CT55: variants seen among roughly 807,000 people sequenced by gnomAD.
CT55 encodes the protein cancer/testis antigen 55, also known as BRCA2-interacting protein.
A neutral mutation model predicts 12.6 loss-of-function variants in CT55; 1 was observed. That is an observed-to-expected ratio of 0.08 (90% CI 0.03 to 0.38). The LOEUF (loss-of-function observed/expected upper bound fraction) is 0.38. Ranked by LOEUF, CT55 falls within the 10% of genes least tolerant of loss-of-function variation. The pLI, the probability that CT55 is intolerant of heterozygous loss-of-function variation, is 0.99. For synonymous variants in CT55, 43 were observed against 49.7 expected (o/e 0.87, Z 0.57); for missense variants, 109 against 135.4 (o/e 0.80, Z 0.97).
At chrX:135,159,761 C>A (rs1324419800) in intron 3 of CT55, among the ~76,000 whole-genome samples, 1 of 111,800 alleles carries the variant, frequency 8.9e-6, no homozygotes, top group African/African-American at 3.3e-5. Flanking sequence ...TGCTTTTGCA[C>A]CCAAGAAAAC....
upstream of CT55, chrX:135,171,526 C>T (rs1389327554): frequency 2.3e-4 from 38 of 162,299 alleles, no homozygotes; most frequent in African/African-American, 1.1e-3. Context: ...CCCATCAAGG[C>T]TGAGGGAGCC....
At chrX:135,160,873 G>GTA (rs1423792664) in intron 2 of CT55, among the ~76,000 whole-genome samples, 6 of 111,837 alleles carry the variant, frequency 5.4e-5, no homozygotes, top group Admixed American at 9.6e-5. Flanking sequence ...AAGTGGAAAG[G>GTA]TATATAGTCA....
chrX:135,163,048 G>GACCT (rs2148443584), intron 2 of CT55, among the ~76,000 whole-genome samples: 1 of 111,749 alleles, frequency 8.9e-6, no homozygotes, highest in East Asian at 2.8e-4. Context: ...GACCAAAAGA[G>GACCT]ACCTATATAG....
At chrX:135,168,434 C>G (rs1471330996) in intron 2 of CT55, among the ~76,000 whole-genome samples, 1 of 111,405 alleles carries the variant, frequency 9.0e-6, no homozygotes, top group Non-Finnish European at 1.9e-5. Flanking sequence ...TTACCAGACG[C>G]TTGTGTTGTT....
At position 135,158,180 on chromosome X, in the gene CT55, G is replaced by A. The variant is rs782093373; in HGVS notation, c.537+19C>T. On this transcript the variant is annotated intron_variant, in intron 4 of 5. Transcript: ENST00000276241. Reference sequence around the variant, plus strand: ...GAGTTAGCAGAAACTGCTGACGGGAGCAACAGGAAAGAAATTACCTCTTCC... The same window carrying A: ...GAGTTAGCAGAAACTGCTGACGGGAACAACAGGAAAGAAATTACCTCTTCC... 9.5e-7 allele frequency: 1 copy of A among 1,057,403 alleles called. No homozygotes were observed. The highest frequency in any genetic ancestry group is 1.3e-6 in the Non-Finnish European group (1 of 756,788). 87.1% of individuals were successfully genotyped at this position (1,057,403 alleles called of 1,213,427 possible). A position where few individuals can be genotyped will look rare whatever the true frequency, so the allele number is the denominator to read the frequency against.
At chrX:135,168,328 G>A (rs1278767818) in intron 2 of CT55, among the ~76,000 whole-genome samples, 8 of 111,989 alleles carry the variant, frequency 7.1e-5, no homozygotes, top group African/African-American at 2.6e-4. Flanking sequence ...ATGTAAGTGA[G>A]ATAAGCCAGT....
chrX:135,162,289 T>C (rs1556405302), intron 2 of CT55, among the ~76,000 whole-genome samples: 2 of 112,269 alleles, frequency 1.8e-5, no homozygotes, highest in African/African-American at 6.5e-5. Context: ...TGAATACTTG[T>C]GTAAATTATG....
intron 2 of CT55, among the ~76,000 whole-genome samples, chrX:135,166,663 T>C (rs1310187341): frequency 9.0e-6 from 1 of 111,589 alleles, no homozygotes; most frequent in African/African-American, 3.3e-5. Flanking sequence ...GAATTTAGAT[T>C]GGCCCTGTTT....
rs782480734 is a variant in CT55, at chrX:135,162,570, T to C, written c.280-2015A>G. On this transcript the variant is annotated intron_variant, in intron 2 of 5. Transcript: ENST00000276241. Reference sequence around the variant, plus strand: ...AGAAAACATGCACTGAAGAGGGTAGTAAGGACAGTTTTACATTACCCACAT... The same window carrying C: ...AGAAAACATGCACTGAAGAGGGTAGCAAGGACAGTTTTACATTACCCACAT... Among the ~76,000 whole-genome samples the C allele has an allele frequency of 5.4e-5, 6 of 111,718 alleles. No individual in the cohort carries two copies. The East Asian group carries it at 1.4e-3, about 26-fold the overall frequency.
In CT55 at chrX:135,159,671, A is replaced by G. The variant is rs149785363; in HGVS notation, c.424+740T>C. Among the ~76,000 whole-genome samples the G allele has an allele frequency of 7.1e-3, 791 of 110,843 alleles. 5 individuals are homozygous for G. The highest frequency in any genetic ancestry group is 0.024 in the African/African-American group (744 of 30,436). The stretch of plus-strand genomic sequence containing the variant: ...CAACGTTTTCCTGACTGATTTCCTG[A>G]CTCCACCCTTCCCCTCATAGTCTCT... On this transcript the variant is annotated intron_variant, in intron 3 of 5. Transcript: ENST00000276241.
intron 1 of CT55, 33 bp downstream of exon 1, chrX:135,171,045 G>T (rs368799703): frequency 4.2e-5 from 51 of 1,204,287 alleles, no homozygotes; most frequent in Non-Finnish European, 5.4e-5. Context: ...GAGGCTTCTG[G>T]GGTGGGGGAC....
At chrX:135,169,477 A>G (rs559141080) in intron 2 of CT55, 117 bp downstream of exon 2, 3 of 457,746 alleles carry the variant, frequency 6.6e-6, no homozygotes, top group South Asian at 1.4e-4. Flanking sequence ...TTCAAATTGC[A>G]GTCTACATCC....
intron 2 of CT55, among the ~76,000 whole-genome samples, chrX:135,164,254 A>C (rs2083573951): frequency 1.8e-5 from 2 of 112,468 alleles, no homozygotes; most frequent in African/African-American, 6.5e-5. Context: ...GGGATACAAA[A>C]TATAAAAAAT....
At position 135,159,256 on chromosome X, in the gene CT55, C is replaced by T. The variant is rs1459701359; in HGVS notation, c.425-945G>A. Among the ~76,000 whole-genome samples the T allele has an allele frequency of 9.2e-5, 10 of 108,763 alleles. No homozygotes were observed. The Admixed American group carries it at 9.8e-4, about 11-fold the overall frequency. 94.4% of individuals were successfully genotyped at this position (108,763 alleles called of 115,157 possible). On this transcript the variant is annotated intron_variant, in intron 3 of 5. Coordinates refer to ENST00000276241, the MANE Select transcript of CT55 (RefSeq NM_001031705.3). ...CTCTCTCTCTCTGATAATTTACATA[C>T]ATTTCTTTTGTGTGGATTTGACATA...
intron 3 of CT55, among the ~76,000 whole-genome samples, chrX:135,159,925 A>AACAC (rs57481039): frequency 0.021 from 2,177 of 105,403 alleles, 67 homozygotes; most frequent in African/African-American, 0.069. Flanking sequence ...ATTCAACAAC[A>AACAC]ACACACACAC....
intron 1 of CT55, 35 bp from the exon 2 acceptor site, chrX:135,169,813 C>T: frequency 1.8e-6 from 2 of 1,092,089 alleles, no homozygotes; most frequent in Non-Finnish European, 2.5e-6. Flanking sequence ...CATTATTAGC[C>T]TCAAATGCAA....
intron 1 of CT55, 39 bp downstream of exon 1, chrX:135,171,039 C>T (rs1556406726): frequency 1.7e-6 from 2 of 1,204,469 alleles, no homozygotes; most frequent in African/African-American, 1.7e-5. Context: ...TATTGGGAGG[C>T]TTCTGGGGTG....
rs1391500528 is a variant in CT55 at position 135,169,884 on chromosome X, A to T, written c.95-106T>A. ...GCATAACCCTGGGCAGAGAAGTTTTATAACGTCTCTGACCTTGTTTTCATC... is the reference window on the plus strand; with the variant it reads ...GCATAACCCTGGGCAGAGAAGTTTTTTAACGTCTCTGACCTTGTTTTCATC... On this transcript the variant is annotated intron_variant, in intron 1 of 5. Transcript: ENST00000276241. 5.9e-5 allele frequency: 26 copies of T among 444,209 alleles called. No individual in the cohort carries two copies. The African/African-American group carries it at 6.6e-4, about 11-fold the overall frequency. The allele number at this position is 444,209 out of a possible 1,213,427, so 36.6% of individuals were successfully genotyped here.
At chrX:135,170,285 G>C (rs782562325) in intron 1 of CT55, among the ~76,000 whole-genome samples, 252 of 112,574 alleles carry the variant, frequency 2.2e-3, no homozygotes, top group Non-Finnish European at 4.3e-3. Flanking sequence ...GGGATTACAG[G>C]TGTGAGCCAC....
Sources: allele counts gnomAD v4.1 joint callset (sites outside exome capture counted in the v4.1 genomes callset), GRCh38; gene constraint gnomAD v4.1.1; transcripts MANE v1.5; gene names NCBI Gene and HGNC (gene_info 2026-07-23, HGNC 2026-07-21).